GMDS: variants seen among roughly 807,000 people sequenced by gnomAD.
The protein encoded by GMDS is GDP-mannose 4,6-dehydratase, also known as GDP-mannose 4,6 dehydratase.
In GMDS, 20 loss-of-function variants were observed where a neutral mutation model predicts 49.9. That is an observed-to-expected ratio of 0.40 (90% CI 0.28 to 0.58). The LOEUF (loss-of-function observed/expected upper bound fraction) is 0.58. GMDS is among the 20% of genes least tolerant of loss of function. The pLI is 0.42. For synonymous variants in GMDS, 177 were observed against 178.6 expected (o/e 0.99, Z 0.07); for missense variants, 362 against 481.4 (o/e 0.75, Z 2.32).
At chr6:2,144,953 A>G (rs1308206893) in intron 1 of GMDS, among the ~76,000 whole-genome samples, 1 of 152,140 alleles carries the variant, frequency 6.6e-6, no homozygotes, top group Non-Finnish European at 1.5e-5. Flanking sequence ...GGATAAGAAT[A>G]AAAGAAGGAC....
intron 9 of GMDS, among the ~76,000 whole-genome samples, chr6:1,719,204 C>T (rs941167424): frequency 5.3e-5 from 8 of 152,260 alleles, no homozygotes; most frequent in African/African-American, 1.9e-4. Context: ...GGACCTATCA[C>T]CTTGGCAGTT....
chr6:2,087,973 GGCTGAAAGAGAA>G (rs1287696291), intron 4 of GMDS, among the ~76,000 whole-genome samples: 2 of 152,022 alleles, frequency 1.3e-5, no homozygotes, highest in Non-Finnish European at 2.9e-5. Flanking sequence ...AACCTAAAAG[GGCTGAAAGAGAA>G]GCTTTTGACT....
chr6:1,970,709 A>G (rs1764555661), intron 4 of GMDS, among the ~76,000 whole-genome samples: 1 of 152,128 alleles, frequency 6.6e-6, no homozygotes, highest in Non-Finnish European at 1.5e-5. Context: ...GTGGGGTGGG[A>G]GGATAGAGAT....
chr6:1,983,241 A>C (rs1765324989), intron 4 of GMDS, among the ~76,000 whole-genome samples: 1 of 152,184 alleles, frequency 6.6e-6, no homozygotes, highest in African/African-American at 2.4e-5. Context: ...ACACGGACTA[A>C]AGACTTAAAT....
At chr6:2,074,033 A>C (rs371352934) in intron 4 of GMDS, among the ~76,000 whole-genome samples, 1 of 152,178 alleles carries the variant, frequency 6.6e-6, no homozygotes, top group Non-Finnish European at 1.5e-5. Context: ...TAGATGCCCA[A>C]TAGTAGAATT....
rs536275448 is a variant in GMDS at position 1,974,081 on chromosome 6, C to T, written c.346-13115G>A. Among the ~76,000 whole-genome samples the T allele has an allele frequency of 3.8e-4, 58 of 152,118 alleles. No homozygotes were observed. In the South Asian group the frequency reaches 0.012, roughly 31 times the overall value. Reference sequence around the variant, plus strand: ...TAATAAGCTGTTTTCCCTCCTTCCTCACCTCGATTTCTCTTGACCTCTCTC... The same window carrying T: ...TAATAAGCTGTTTTCCCTCCTTCCTTACCTCGATTTCTCTTGACCTCTCTC... On this transcript the variant is annotated intron_variant, in intron 4 of 10. Transcript: ENST00000380815.
At chr6:1,806,786 A>C (rs1470128846) in intron 7 of GMDS, among the ~76,000 whole-genome samples, 1 of 152,164 alleles carries the variant, frequency 6.6e-6, no homozygotes, top group African/African-American at 2.4e-5. Flanking sequence ...TAGAACCGTA[A>C]ATATCTCTCA....
intron 1 of GMDS, among the ~76,000 whole-genome samples, chr6:2,194,620 T>C (rs902019883): frequency 6.6e-6 from 1 of 152,226 alleles, no homozygotes; most frequent in Non-Finnish European, 1.5e-5. Context: ...CCAATATAAA[T>C]AAAAGACAAT....
At chr6:1,862,103 A>C (rs1405559084) in intron 7 of GMDS, among the ~76,000 whole-genome samples, 1 of 152,216 alleles carries the variant, frequency 6.6e-6, no homozygotes, top group Non-Finnish European at 1.5e-5. Context: ...TGGGATTTAC[A>C]GACAATAACT....
intron 7 of GMDS, among the ~76,000 whole-genome samples, chr6:1,809,662 CAACT>C (rs1263166438): frequency 6.6e-6 from 1 of 152,094 alleles, no homozygotes; most frequent in African/African-American, 2.4e-5. Flanking sequence ...ACCAGCCAAC[CAACT>C]GTGTAAATTA....
At chr6:2,217,508 T>C (rs542857259) in intron 1 of GMDS, among the ~76,000 whole-genome samples, 1 of 152,348 alleles carries the variant, frequency 6.6e-6, no homozygotes, top group African/African-American at 2.4e-5. Flanking sequence ...ATTAACTTGC[T>C]TTTGAACTAA....
rs555158569 is a variant in GMDS at position 1,833,157 on chromosome 6, T to G, written c.772-90571A>C. Among the ~76,000 whole-genome samples the G allele has an allele frequency of 7.0e-6, 1 of 143,562 alleles. No homozygotes were observed. The highest frequency in any genetic ancestry group is 1.5e-5 in the Non-Finnish European group (1 of 66,322). The allele number at this position is 143,562 out of a possible 152,430, so 94.2% of individuals were successfully genotyped here. On this transcript the variant is annotated intron_variant, in intron 7 of 10. Transcript: ENST00000380815. The surrounding 1 kb of genome is among the most constrained non-coding windows in gnomAD (Gnocchi z 4.4). ...TTTTTTTTTTTTTTTTTTAAACTAA[T>G]GCACTGGAAGGGGGCAAAGGGTGGC... is the stretch of plus-strand genomic sequence containing the variant.
intron 9 of GMDS, among the ~76,000 whole-genome samples, chr6:1,692,442 T>C (rs531501888): frequency 3.9e-5 from 6 of 152,342 alleles, no homozygotes; most frequent in East Asian, 1.9e-4. Context: ...TTTGTGTTCG[T>C]AGTTTTCATG....
chr6:1,662,211 T>C (rs1205505378), intron 9 of GMDS, among the ~76,000 whole-genome samples: 1 of 152,130 alleles, frequency 6.6e-6, no homozygotes, highest in African/African-American at 2.4e-5. Flanking sequence ...CATTACTTCA[T>C]CTTATTCTTA....
chr6:2,159,746 A>G (rs977057687), intron 1 of GMDS, among the ~76,000 whole-genome samples: 4 of 150,786 alleles, frequency 2.7e-5, no homozygotes, highest in African/African-American at 9.8e-5. Context: ...TTCGAACCTG[A>G]CCTCAGGTGA....
intron 8 of GMDS, among the ~76,000 whole-genome samples, chr6:1,737,653 A>G (rs1451312373): frequency 2.0e-5 from 3 of 148,064 alleles, no homozygotes; most frequent in Non-Finnish European, 4.5e-5. Context: ...ACATACACAT[A>G]CACACACCAC....
At chr6:1,819,605 A>G (rs1457795127) in intron 7 of GMDS, among the ~76,000 whole-genome samples, 1 of 151,902 alleles carries the variant, frequency 6.6e-6, no homozygotes, top group African/African-American at 2.4e-5. Flanking sequence ...TACTAAAAAT[A>G]CAAAAATTAG....
At chr6:1,992,112 G>C (rs960504547) in intron 4 of GMDS, among the ~76,000 whole-genome samples, 1 of 152,234 alleles carries the variant, frequency 6.6e-6, no homozygotes, top group African/African-American at 2.4e-5. Flanking sequence ...AAGCCACACA[G>C]TGTGTGGGCC....
chr6:2,141,865 G>GCTCTCTCT lies in GMDS; in HGVS notation c.103-17142_103-17135dup, dbSNP rs67628075. On this transcript the variant is annotated intron_variant, in intron 1 of 10. Transcript: ENST00000380815. Reference sequence around the variant, plus strand: ...TCTGGGTTTGGTTTTGGTTGTGCGTGCTCTCTCTCTCTCTCTCTCTCTCTC... The same window carrying GCTCTCTCT: ...TCTGGGTTTGGTTTTGGTTGTGCGTGCTCTCTCTCTCTCTCTCTCTCTCTCTCTCTCTC... Among the ~76,000 whole-genome samples the GCTCTCTCT allele has an allele frequency of 5.0e-3, 734 of 145,688 alleles. 6 individuals carry two copies. The highest frequency in any genetic ancestry group is 0.01 in the Middle Eastern group (3 of 290).
Sources: gnomAD v4.1 joint callset for allele counts (sites outside exome capture counted in the v4.1 genomes callset) on GRCh38, gnomAD v4.1.1 for gene constraint, Gnocchi (gnomAD v3.1) non-coding constraint, MANE v1.5 for transcripts, NCBI Gene and HGNC (gene_info 2026-07-23, HGNC 2026-07-21) for gene names.